Variants in FAHD2B observed in about 807,000 individuals in gnomAD.
FAHD2B encodes the protein fumarylacetoacetate hydrolase domain containing 2B, also known as oxaloacetate tautomerase FAHD2B, mitochondrial.
FAHD2B carries 26 observed loss-of-function variants against 33.7 expected under a neutral mutation model. The ratio of observed to expected loss-of-function variants is 0.77; its 90% CI spans 0.57 to 1.07. The LOEUF is 1.07. Among genes scored for constraint, FAHD2B ranks in the 50% least tolerant of loss-of-function variants. The pLI is 0.00. For missense variants in FAHD2B, 272 were observed against 388.1 expected (o/e 0.70, Z 2.51); for synonymous variants, 108 against 150.9 (o/e 0.72, Z 2.08).
At chr2:97,089,150 C>T (rs1228498889) in intron 4 of FAHD2B, among the ~76,000 whole-genome samples, 1 of 151,914 alleles carries the variant, frequency 6.6e-6, no homozygotes, top group Non-Finnish European at 1.5e-5. Context: ...GCTTAAAGGA[C>T]AATTGGGAGA....
At chr2:97,080,790 G>A (rs1219370537), downstream of FAHD2B, among the ~76,000 whole-genome samples, 1 of 151,922 alleles carries the variant, frequency 6.6e-6, no homozygotes, top group Non-Finnish European at 1.5e-5. Context: ...TCTTTGTAAA[G>A]GTCCTTCACT....
intron 6 of FAHD2B, among the ~76,000 whole-genome samples, chr2:97,084,697 C>CTCAA (rs975404250): frequency 6.6e-6 from 1 of 152,008 alleles, no homozygotes; most frequent in African/African-American, 2.4e-5. Flanking sequence ...ACTGATTAAG[C>CTCAA]TCAGGAGTTC....
chr2:97,085,609 G>C, intron 6 of FAHD2B, 90 bp downstream of exon 6: 1 of 1,551,206 alleles, frequency 6.4e-7, no homozygotes, highest in South Asian at 1.2e-5. Flanking sequence ...GGGAGGGCAG[G>C]TGCCACATGT....
downstream of FAHD2B, among the ~76,000 whole-genome samples, chr2:97,079,123 T>A (rs199572238): frequency 5.9e-5 from 9 of 152,234 alleles, no homozygotes; most frequent in East Asian, 1.7e-3. Flanking sequence ...TATAACTGCA[T>A]AGTATTTCGT....
At chr2:97,092,360 C>A (rs1489397820) in intron 1 of FAHD2B, among the ~76,000 whole-genome samples, 1 of 152,124 alleles carries the variant, frequency 6.6e-6, no homozygotes, top group Non-Finnish European at 1.5e-5. Context: ...ACACCCCCAC[C>A]TGCCTCCCCA....
Position 97,085,796 on chromosome 2 carries a change from C to G in FAHD2B, c.588G>C (p.Trp196Cys). 1 of 1,613,796 alleles carries G rather than the reference C, an allele frequency of 6.2e-7. No individual in the cohort carries two copies. ...ACTGTTTCCCATTGCGTCTTGTTAG[C>G]CAGTCACGAGCACTCACGTCATGAG... ...TVAHDVSARD[W>C]LTRRNGKQWL... is the part of the protein sequence containing the mutation. Residue 196 changes from tryptophan to cysteine, a missense_variant, in exon 6 of 9, where the codon TGG (tryptophan) becomes TGC (cysteine). By Grantham distance (215) the Trp-to-Cys change is radical. Coordinates refer to ENST00000414820, the MANE Select transcript of FAHD2B (RefSeq NM_001320848.2).
downstream of FAHD2B, chr2:97,083,153 A>G: frequency 1.3e-6 from 2 of 1,582,642 alleles, no homozygotes. Context: ...GTTCTGCAGC[A>G]GACGCCGAGC....
chr2:97,082,473 C>CA (rs2031681936), downstream of FAHD2B: 1 of 1,612,974 alleles, frequency 6.2e-7, no homozygotes, highest in Admixed American at 1.7e-5. Context: ...CGGTGAGTCT[C>CA]AACCAGTCAG....
intron 6 of FAHD2B, among the ~76,000 whole-genome samples, chr2:97,085,403 T>A (rs1428468130): frequency 6.6e-6 from 1 of 150,716 alleles, no homozygotes; most frequent in Admixed American, 6.6e-5. Flanking sequence ...CTTAGATTAT[T>A]TCAGATGGTG....
chr2:97,083,046 T>C, downstream of FAHD2B: 1 of 1,275,280 alleles, frequency 7.8e-7, no homozygotes, highest in Non-Finnish European at 1.1e-6. Context: ...GGGCCAGAGG[T>C]CTCAAGGCAG....
chr2:97,086,341 A>G lies in FAHD2B; in HGVS notation c.463-143T>C, dbSNP rs1389803154. ...ATCACCCTGAACCAGAGCCCAGTGA[A>G]TGACAAGGGAGGTGTGACTTGTAGA... is the stretch of plus-strand genomic sequence containing the variant. On this transcript the variant is annotated intron_variant, in intron 4 of 8. Coordinates refer to ENST00000414820, the MANE Select transcript of FAHD2B (RefSeq NM_001320848.2). 8.4e-6 allele frequency: 10 copies of G among 1,195,306 alleles called. No individual in the cohort carries two copies. The Admixed American group carries it at 2.0e-4, about 24-fold the overall frequency. The allele number at this position is 1,195,306 out of a possible 1,614,324, so 74.0% of individuals were successfully genotyped here.
At chr2:97,092,444 T>G (rs1336743242) in intron 1 of FAHD2B, among the ~76,000 whole-genome samples, 1 of 152,026 alleles carries the variant, frequency 6.6e-6, no homozygotes, top group African/African-American at 2.4e-5. Flanking sequence ...AACAGCAAGG[T>G]CTAGGCCTGA....
rs1340200895 is a variant in FAHD2B at position 97,091,447 on chromosome 2, T to C, written c.245+15A>G. ...CAGGGCAGCTGCTTCAGGGCGATGC[T>C]GCCCACTTACTTACCTTCTTGCCAC... On this transcript the variant is annotated intron_variant, in intron 3 of 8. Coordinates refer to ENST00000414820, the MANE Select transcript of FAHD2B (RefSeq NM_001320848.2). 1 of 1,582,058 alleles carries C rather than the reference T, an allele frequency of 6.3e-7. No homozygotes were observed. Among genetic ancestry groups the C allele is most frequent in the Non-Finnish European group, 8.6e-7 (1 of 1,163,578 alleles).
intron 1 of FAHD2B, among the ~76,000 whole-genome samples, chr2:97,092,753 T>C (rs528700464): frequency 6.9e-4 from 105 of 151,932 alleles, no homozygotes; most frequent in African/African-American, 2.4e-3. Context: ...GGTGGATCAC[T>C]TGAGGTCAGG....
chr2:97,082,403 G>A (rs527766084), downstream of FAHD2B: 52 of 1,613,674 alleles, frequency 3.2e-5, 1 homozygote, highest in South Asian at 3.7e-4. Flanking sequence ...CTGCAGAGTC[G>A]GGCTACACAG....
chr2:97,089,795 T>C lies in FAHD2B; in HGVS notation c.462+314A>G, dbSNP rs527367672. 4.7e-4 allele frequency: 207 copies of C among 440,040 alleles called. 1 individual carries two copies. The highest frequency in any genetic ancestry group is 3.6e-3 in the African/African-American group (180 of 50,300). 27.3% of individuals were successfully genotyped at this position (440,040 alleles called of 1,614,324 possible). A position where few individuals can be genotyped will look rare whatever the true frequency, so the allele number is the denominator to read the frequency against. ...TGTACAGTATAAACATATACAGGAGTGGAGAAACACTGGGAAGGTAGACAG... is the reference window on the plus strand; with the variant it reads ...TGTACAGTATAAACATATACAGGAGCGGAGAAACACTGGGAAGGTAGACAG... On this transcript the variant is annotated intron_variant, in intron 4 of 8. Coordinates refer to ENST00000414820, the MANE Select transcript of FAHD2B (RefSeq NM_001320848.2).
At chr2:97,084,328 C>G in intron 6 of FAHD2B, 51 bp from the exon 7 acceptor site, 1 of 1,606,104 alleles carries the variant, frequency 6.2e-7, no homozygotes, top group Non-Finnish European at 8.5e-7. Flanking sequence ...CCCTCAAACC[C>G]CCCAGTGTTT....
At chr2:97,090,425 G>T (rs893135402) in intron 3 of FAHD2B, 100 bp from the exon 4 acceptor site, 9 of 1,470,644 alleles carry the variant, frequency 6.1e-6, no homozygotes, top group Non-Finnish European at 8.1e-6. Context: ...TTTGCTTTTT[G>T]AAATCTATTT....
intron 4 of FAHD2B, chr2:97,089,667 C>G (rs2032212802): frequency 5.7e-6 from 1 of 175,854 alleles, no homozygotes; most frequent in East Asian, 1.4e-4. Flanking sequence ...TATAAACTAC[C>G]CTGTACATCA....
Sources: allele counts gnomAD v4.1 joint callset (sites outside exome capture counted in the v4.1 genomes callset), GRCh38; gene constraint gnomAD v4.1.1; transcripts MANE v1.5; gene names NCBI Gene and HGNC (gene_info 2026-07-23, HGNC 2026-07-21).